The following PCDHA2 variants were observed in gnomAD, a reference collection of about 807,000 sequenced individuals.
PCDHA2 encodes the protein protocadherin alpha-2.
A neutral mutation model predicts 66.0 loss-of-function variants in PCDHA2; 58 were observed. The observed-to-expected ratio is 0.88, with a 90% CI of 0.71 to 1.09. The LOEUF (loss-of-function observed/expected upper bound fraction) is 1.09, where lower values mean the gene tolerates loss of function less well. Ranked by LOEUF, PCDHA2 falls within the 50% of genes least tolerant of loss-of-function variation. The pLI is 0.00. For synonymous variants in PCDHA2, 634 were observed against 554.0 expected (o/e 1.14, Z -2.03); for missense variants, 1,267 against 1,242.3 (o/e 1.02, Z -0.30).
rs35695909 is a variant in PCDHA2, at chr5:140,914,944, C to CTT, written c.2389-63988_2389-63987dup. Among the ~76,000 whole-genome samples the CTT allele has an allele frequency of 2.2e-4, 28 of 128,250 alleles. 1 individual carries two copies. Among genetic ancestry groups the CTT allele is most frequent in the African/African-American group, 3.1e-4 (11 of 35,118 alleles). 84.1% of individuals were successfully genotyped at this position (128,250 alleles called of 152,430 possible). Reference sequence around the variant, plus strand: ...ATTGTACTATGTTGTGAAAAGTTGTCTTTTTTTTTTTTTTTTTTCTGAGTC... The same window carrying CTT: ...ATTGTACTATGTTGTGAAAAGTTGTCTTTTTTTTTTTTTTTTTTTTCTGAGTC... On this transcript the variant is annotated intron_variant, in intron 1 of 3. Transcript: ENST00000526136.
intron 1 of PCDHA2, among the ~76,000 whole-genome samples, chr5:140,937,175 C>A: frequency 6.6e-6 from 1 of 151,650 alleles, no homozygotes; most frequent in Non-Finnish European, 1.5e-5. Context: ...GTAGCTGGGA[C>A]TACAGGCGCC....
chr5:140,881,283 A>T, intron 1 of PCDHA2: 1 of 799,388 alleles, frequency 1.3e-6, no homozygotes, highest in Non-Finnish European at 1.5e-6. Flanking sequence ...TAAGATGGAG[A>T]GAGAAAATGG....
chr5:140,993,463 CACACACACACACACA>C (rs2097564014), intron 3 of PCDHA2, among the ~76,000 whole-genome samples: 3 of 7,580 alleles, frequency 4.0e-4, no homozygotes, highest in African/African-American at 2.0e-3. Context: ...CTTTCTTTCT[CACACACACACACACA>C]CACACACACA....
chr5:140,923,206 A>G (rs2081227659), intron 1 of PCDHA2, among the ~76,000 whole-genome samples: 1 of 152,172 alleles, frequency 6.6e-6, no homozygotes, highest in South Asian at 2.1e-4. Flanking sequence ...TTGGGAGGCT[A>G]AGGTGAAAGG....
intron 1 of PCDHA2, chr5:140,871,022 A>G (rs2052630009): frequency 6.2e-7 from 1 of 1,613,114 alleles, no homozygotes; most frequent in African/African-American, 1.3e-5. Context: ...GACGAGGCAG[A>G]CTCGCCGCGC....
At chr5:140,942,546 TA>T (rs1380022033) in intron 1 of PCDHA2, among the ~76,000 whole-genome samples, 4 of 150,044 alleles carry the variant, frequency 2.7e-5, no homozygotes, top group African/African-American at 9.8e-5. Flanking sequence ...TGGTGGGGGG[TA>T]GGGGGTTGAG....
chr5:140,923,573 A>C (rs1180737452), intron 1 of PCDHA2, among the ~76,000 whole-genome samples: 2 of 152,214 alleles, frequency 1.3e-5, no homozygotes, highest in African/African-American at 4.8e-5. Flanking sequence ...GGTCCTGCTA[A>C]AGAGAAGGTT....
At chr5:140,807,548 G>C in intron 1 of PCDHA2, 2 of 1,614,176 alleles carry the variant, frequency 1.2e-6, no homozygotes, top group African/African-American at 1.3e-5. Flanking sequence ...CCATGTGGAC[G>C]TGGAGGTGAG....
intron 1 of PCDHA2, chr5:140,809,400 C>A (rs781909645): frequency 1.2e-6 from 2 of 1,614,032 alleles, no homozygotes; most frequent in Admixed American, 1.7e-5. Context: ...GGCAAGCCCA[C>A]GCTGGTGTGC....
chr5:140,857,483 T>G, intron 1 of PCDHA2: 1 of 1,598,450 alleles, frequency 6.3e-7, no homozygotes. Context: ...GGTGTCTGCG[T>G]GGGACGCGGA....
At chr5:140,883,219 A>G (rs1416740017) in intron 1 of PCDHA2, 1 of 1,613,942 alleles carries the variant, frequency 6.2e-7, no homozygotes, top group Non-Finnish European at 8.5e-7. Flanking sequence ...AATTATATGA[A>G]ATATCCGTGG....
intron 1 of PCDHA2, among the ~76,000 whole-genome samples, chr5:140,846,545 T>G (rs1374856613): frequency 6.7e-6 from 1 of 148,364 alleles, no homozygotes; most frequent in Non-Finnish European, 1.5e-5. Context: ...CTGCTAATTT[T>G]TTGTATTTTT....
At chr5:140,826,718 G>A (rs2150145138) in intron 1 of PCDHA2, among the ~76,000 whole-genome samples, 1 of 152,166 alleles carries the variant, frequency 6.6e-6, no homozygotes, top group Non-Finnish European at 1.5e-5. Context: ...TGAGAAAGAG[G>A]AAGAGCAAGT....
At chr5:140,902,709 TC>T (rs1248555909) in intron 1 of PCDHA2, among the ~76,000 whole-genome samples, 11 of 152,060 alleles carry the variant, frequency 7.2e-5, no homozygotes, top group Admixed American at 4.6e-4. Flanking sequence ...TATCTTTCAC[TC>T]CCCTCCCACC....
chr5:140,850,382 C>T (rs2150481725), intron 1 of PCDHA2: 2 of 1,597,874 alleles, frequency 1.3e-6, no homozygotes, highest in East Asian at 2.2e-5. Context: ...TGTACACGGG[C>T]GAGATCAGCA....
At chr5:140,965,143 G>A (rs1451263269) in intron 1 of PCDHA2, among the ~76,000 whole-genome samples, 1 of 152,230 alleles carries the variant, frequency 6.6e-6, no homozygotes, top group Admixed American at 6.5e-5. Context: ...AGAATACTGG[G>A]AGATGAAGAG....
At position 140,836,012 on chromosome 5, in the gene PCDHA2, G is replaced by A. The variant is rs2150250608; in HGVS notation, c.2388+38660G>A. ...TGAGCGCGCGCGATGCGGGCGTGCC[G>A]CCTCTGGGCAGCAACGTGACGCTGC... On this transcript the variant is annotated intron_variant, in intron 1 of 3. Coordinates refer to ENST00000526136, the MANE Select transcript of PCDHA2 (RefSeq NM_018905.3). 1.8e-5 allele frequency: 29 copies of A among 1,613,192 alleles called. No individual in the cohort carries two copies. In the Admixed American group the frequency reaches 4.3e-4, roughly 24 times the overall value.
rs185914290 is a variant in PCDHA2, at chr5:140,920,039, G to C, written c.2389-58910G>C. ...AGATGGAGACAGAGATTGGAGTGAT[G>C]TCAACAGCCACCAACACCTGGAAAA... On this transcript the variant is annotated intron_variant, in intron 1 of 3. Transcript: ENST00000526136. Among the ~76,000 whole-genome samples, 5 of 152,280 alleles carry C rather than the reference G, an allele frequency of 3.3e-5. No homozygotes were observed. In the South Asian group the frequency reaches 1.0e-3, roughly 32 times the overall value.
intron 1 of PCDHA2, chr5:140,870,454 G>A (rs782508076): frequency 6.2e-7 from 1 of 1,614,236 alleles, no homozygotes; most frequent in African/African-American, 1.3e-5. Flanking sequence ...GAACGACAAT[G>A]CGCCTGCGTT....
Sources: gnomAD v4.1 joint callset for allele counts (sites outside exome capture counted in the v4.1 genomes callset) on GRCh38, gnomAD v4.1.1 for gene constraint, MANE v1.5 for transcripts, NCBI Gene and HGNC (gene_info 2026-07-23, HGNC 2026-07-21) for gene names.